TIE1: variants seen among roughly 807,000 people sequenced by gnomAD.
TIE1 encodes the protein tyrosine kinase with immunoglobulin like and EGF like domains 1, also known as tyrosine-protein kinase receptor Tie-1.
In TIE1, 89 loss-of-function variants were observed where a neutral mutation model predicts 130.5. The ratio of observed to expected loss-of-function variants is 0.68; its 90% CI spans 0.57 to 0.81. The LOEUF (loss-of-function observed/expected upper bound fraction) is 0.81. TIE1 is among the 40% of genes least tolerant of loss of function. The probability of loss-of-function intolerance (pLI) is 0.00; values close to 1 mark genes in which losing one functional copy is unlikely to be tolerated. For synonymous variants in TIE1, 568 were observed against 629.4 expected, an observed-to-expected ratio of 0.90 and a Z score of 1.46; for missense variants, 1,392 against 1,559.8, an observed-to-expected ratio of 0.89 and a Z score of 1.81.
rs767590418 is a variant in TIE1, at chr1:43,307,113, G to A, written c.641-29G>A. The A allele has an allele frequency of 1.2e-6, 2 of 1,613,686 alleles. No homozygotes were observed. Among genetic ancestry groups the A allele is most frequent in the African/African-American group, 2.7e-5 (2 of 74,904 alleles). ...AGTCCTCAGTGGTCAGGTGGGTGAG[G>A]GTCAGCTGCTGAAGACACCTTCCTC... On this transcript the variant is annotated intron_variant, in intron 4 of 22. Transcript: ENST00000372476. The surrounding 1 kb of genome is among the most constrained non-coding windows in gnomAD (Gnocchi z 5.4).
chr1:43,321,068 C>A (rs1254784767), intron 19 of TIE1, among the ~76,000 whole-genome samples: 1 of 148,706 alleles, frequency 6.7e-6, no homozygotes, highest in Non-Finnish European at 1.5e-5. Flanking sequence ...AACAAAAGAG[C>A]TCTAATTGTG....
Position 43,312,087 on chromosome 1 carries a change from A to AG in TIE1, c.1591dup (p.Ala531GlyfsTer14), listed in dbSNP as rs1315822879. The AG allele has an allele frequency of 1.3e-6, 2 of 1,596,686 alleles. No individual in the cohort carries two copies. The highest frequency in any genetic ancestry group is 1.7e-6 in the Non-Finnish European group (2 of 1,169,822). On this transcript the variant is annotated frameshift_variant, in exon 11 of 23. Transcript: ENST00000372476. LOFTEE classifies it high-confidence loss of function. This position sits in a 1 kb window ranked among gnomAD's most constrained non-coding sequence, Gnocchi z 5.6. ...CTGAGCCGGCCAGGGGAAGGAGGAG[A>AG]GGGGGCCTGGGGGCCTCCCACCCTC...
Position 43,306,909 on chromosome 1 carries a change from T to C in TIE1, c.554T>C (p.Val185Ala), listed in dbSNP as rs1208791994. ...CGGTTCCTGCTGCAGCTCCCAAATG[T>C]GCAGCCACCATCGAGCGGCATCTAC... Reference protein sequence around the residue: ...DGRFLLQLPNVQPPSSGIYSA... With the variant: ...DGRFLLQLPNAQPPSSGIYSA... Residue 185 changes from valine to alanine, a missense_variant, in exon 4 of 23, where the codon GTG (valine) becomes GCG (alanine). By Grantham distance (64) the Val-to-Ala change is moderately conservative. This residue lies in a region of TIE1 where 415 missense variants were observed against 424.8 expected (regional missense o/e 0.98). Transcript: ENST00000372476. This position sits in a 1 kb window ranked among gnomAD's most constrained non-coding sequence, Gnocchi z 4.9. 14 of 1,613,940 alleles carry C rather than the reference T, an allele frequency of 8.7e-6. No homozygotes were observed. The highest frequency in any genetic ancestry group is 1.1e-5 in the Non-Finnish European group (13 of 1,180,020).
In TIE1 at chr1:43,319,990, G is replaced by A. The variant is rs1646897915; in HGVS notation, c.3107+461G>A. 1 of 217,780 alleles carries A rather than the reference G, an allele frequency of 4.6e-6. No individual in the cohort carries two copies. The highest frequency in any genetic ancestry group is 2.3e-5 in the African/African-American group (1 of 43,840). The allele number at this position is 217,780 out of a possible 1,614,324, so 13.5% of individuals were successfully genotyped here. A position where few individuals can be genotyped will look rare whatever the true frequency, so the allele number is the denominator to read the frequency against. On this transcript the variant is annotated intron_variant, in intron 19 of 22. Coordinates refer to ENST00000372476, the MANE Select transcript of TIE1 (RefSeq NM_005424.5). The surrounding 1 kb of genome is among the most constrained non-coding windows in gnomAD (Gnocchi z 4.7). ...ACACTCCTCCTGTCTCTCCAGGGAT[G>A]TCCATCTTGATCTGAACCTACCCCT...
At chr1:43,303,627 G>A (rs375405187) in intron 1 of TIE1, among the ~76,000 whole-genome samples, 3 of 152,202 alleles carry the variant, frequency 2.0e-5, no homozygotes, top group East Asian at 1.9e-4. Context: ...GCTCTCCACC[G>A]TCCAGACTGG....
In TIE1 at chr1:43,314,308, G is replaced by A. The variant is rs531479456; in HGVS notation, c.2409+340G>A. ...CTCCCCTCTTTTATTTCTCCCTAGCGGTTATCTAGGCCTAGATAGCAAGGT... is the reference window on the plus strand; with the variant it reads ...CTCCCCTCTTTTATTTCTCCCTAGCAGTTATCTAGGCCTAGATAGCAAGGT... On this transcript the variant is annotated intron_variant, in intron 14 of 22. Coordinates refer to ENST00000372476, the MANE Select transcript of TIE1 (RefSeq NM_005424.5). 1.2e-4 allele frequency: 121 copies of A among 1,036,520 alleles called. 2 individuals carry two copies. The South Asian group carries it at 1.8e-3, about 15-fold the overall frequency. 64.2% of individuals were successfully genotyped at this position (1,036,520 alleles called of 1,614,324 possible).
Position 43,321,327 on chromosome 1 carries a change from G to A in TIE1, c.3148+18G>A, listed in dbSNP as rs372376269. 2.2e-5 allele frequency: 35 copies of A among 1,613,848 alleles called. No individual in the cohort carries two copies. The highest frequency in any genetic ancestry group is 8.3e-5 in the Admixed American group (5 of 59,984). On this transcript the variant is annotated intron_variant, in intron 20 of 22. Transcript: ENST00000372476. ...GAGCCTTGGTGAGTTCCTGATCCCCGTCCCCCAGAGTGCCCCACCTTACCC... is the reference window on the plus strand; with the variant it reads ...GAGCCTTGGTGAGTTCCTGATCCCCATCCCCCAGAGTGCCCCACCTTACCC...
Position 43,309,571 on chromosome 1 carries a change from G to A in TIE1, c.1333+39G>A, listed in dbSNP as rs1420892036. On this transcript the variant is annotated intron_variant, in intron 9 of 22. Coordinates refer to ENST00000372476, the MANE Select transcript of TIE1 (RefSeq NM_005424.5). The surrounding 1 kb of genome is among the most constrained non-coding windows in gnomAD (Gnocchi z 6.3). ...TAGGTCCACAGGGAATGGACGGTGA[G>A]CAGAGTAGGCTCTAGATGATGCTGC... The A allele has an allele frequency of 6.5e-7, 1 of 1,540,980 alleles. No homozygotes were observed. The highest frequency in any genetic ancestry group is 2.1e-5 in the Admixed American group (1 of 47,648).
Position 43,317,763 on chromosome 1 carries a change from C to A in TIE1, c.2731+89C>A. 1 of 1,465,030 alleles carries A rather than the reference C, an allele frequency of 6.8e-7. No homozygotes were observed. Among genetic ancestry groups the A allele is most frequent in the Non-Finnish European group, 9.4e-7 (1 of 1,064,302 alleles). The allele number at this position is 1,465,030 out of a possible 1,614,324, so 90.8% of individuals were successfully genotyped here. Reference sequence around the variant, plus strand: ...CACATGAGTAGCTTGCCAGGGGCTGCTGGTGACCTGTGCACCACCCTTGAT... The same window carrying A: ...CACATGAGTAGCTTGCCAGGGGCTGATGGTGACCTGTGCACCACCCTTGAT... On this transcript the variant is annotated intron_variant, in intron 16 of 22. Transcript: ENST00000372476. This position sits in a 1 kb window ranked among gnomAD's most constrained non-coding sequence, Gnocchi z 5.1.
Position 43,307,728 on chromosome 1 carries a change from G to A in TIE1, c.914-68G>A, listed in dbSNP as rs1392287771. Reference sequence around the variant, plus strand: ...CTGTTGTATAACCTGTGCCCCATCTGCGCCCTCATCTGTGCCCTCATTGCC... The same window carrying A: ...CTGTTGTATAACCTGTGCCCCATCTACGCCCTCATCTGTGCCCTCATTGCC... On this transcript the variant is annotated intron_variant, in intron 6 of 22. Coordinates refer to ENST00000372476, the MANE Select transcript of TIE1 (RefSeq NM_005424.5). This position sits in a 1 kb window ranked among gnomAD's most constrained non-coding sequence, Gnocchi z 5.4. 3 of 1,605,618 alleles carry A rather than the reference G, an allele frequency of 1.9e-6. No individual in the cohort carries two copies. The highest frequency in any genetic ancestry group is 1.3e-5 in the African/African-American group (1 of 74,806).
In TIE1 at chr1:43,307,452, G is replaced by C; in HGVS notation, c.793G>C (p.Gly265Arg). ...TCTAGCCTGCAGAGAGGGCCGTTTT[G>C]GGCAGAGCTGCCAGGAGCAGTGCCC... ...CEQACREGRF[G>R]QSCQEQCPGI... Residue 265 changes from glycine (G) to arginine (R), a missense_variant, in exon 6 of 23, where the codon GGG becomes CGG. Coordinates refer to ENST00000372476, the MANE Select transcript of TIE1 (RefSeq NM_005424.5). The surrounding 1 kb of genome is among the most constrained non-coding windows in gnomAD (Gnocchi z 5.4). 1 of 1,614,160 alleles carries C rather than the reference G, an allele frequency of 6.2e-7. No individual in the cohort carries two copies. The highest frequency in any genetic ancestry group is 8.5e-7 in the Non-Finnish European group (1 of 1,180,016).
rs781517329 is a variant in TIE1, at chr1:43,305,092, G to T, written c.300G>T (p.Val100=). ...GCTTCTCCAAGCCCTCGGACCTCGT[G>T]GGCGTCTTCTCCTGCGTGGGCGGTG... ...LRGFSKPSDL[V]GVFSCVGGAG... The change falls in exon 2 of 23, where the codon GTG becomes GTT. Residue 100 remains valine (V), a synonymous_variant. Transcript: ENST00000372476. The T allele has an allele frequency of 2.5e-6, 4 of 1,612,860 alleles. No individual in the cohort carries two copies. Among genetic ancestry groups the T allele is most frequent in the Non-Finnish European group, 3.4e-6 (4 of 1,179,372 alleles).
In TIE1 at chr1:43,319,461, G is replaced by T; in HGVS notation, c.3039G>T (p.Gly1013=). 1.2e-6 allele frequency: 2 copies of T among 1,614,124 alleles called. No homozygotes were observed. Among genetic ancestry groups the T allele is most frequent in the Non-Finnish European group, 1.7e-6 (2 of 1,180,006 alleles). ...CCCTCAAACCCATTCTCTCCTAGGG[G>T]CGTCTCCCTGTGCGCTGGATGGCCA... ...GEEVYVKKTM[G]RLPVRWMAIE... is the part of the protein sequence containing the mutation. Residue 1013 remains glycine, a splice_region_variant and synonymous_variant, in exon 19 of 23, where the codon GGG becomes GGT. Transcript: ENST00000372476. The surrounding 1 kb of genome is among the most constrained non-coding windows in gnomAD (Gnocchi z 4.7).
At chr1:43,305,209 G>A (rs1253563176) in intron 2 of TIE1, 24 bp from the exon 3 acceptor site, 2 of 1,613,640 alleles carry the variant, frequency 1.2e-6, no homozygotes, top group East Asian at 2.2e-5. Flanking sequence ...AAACCAGGCC[G>A]CTGACCCACC....
At chr1:43,302,861 G>T (rs1243916086) in intron 1 of TIE1, among the ~76,000 whole-genome samples, 1 of 151,986 alleles carries the variant, frequency 6.6e-6, no homozygotes, top group Non-Finnish European at 1.5e-5. Context: ...AGGCTGGGGG[G>T]GTGGGGATGA....
chr1:43,314,306 G>A (rs1206593934), intron 14 of TIE1: 13 of 1,041,032 alleles, frequency 1.2e-5, no homozygotes, highest in Admixed American at 3.8e-5. Context: ...TTTCTCCCTA[G>A]CGGTTATCTA....
chr1:43,305,194 G>A (rs1281905395), intron 2 of TIE1, 29 bp downstream of exon 2: 2 of 1,613,794 alleles, frequency 1.2e-6, no homozygotes, highest in East Asian at 4.5e-5. Context: ...GGGATGGCGC[G>A]GGGAAAACCA....
In TIE1 at chr1:43,306,367, C is replaced by T. The variant is rs111957363; in HGVS notation, c.485-473C>T. 8.3e-4 allele frequency among the ~76,000 whole-genome samples: 127 copies of T among 152,286 alleles called. No homozygotes were observed. Among genetic ancestry groups the T allele is most frequent in the African/African-American group, 3.0e-3 (123 of 41,556 alleles). The stretch of plus-strand genomic sequence containing the variant: ...CGAATGGGGCTGGATGGCTTGGCCA[C>T]GGCCAAGTTGGTGAAAATGATGTCT... On this transcript the variant is annotated intron_variant, in intron 3 of 22. Coordinates refer to ENST00000372476, the MANE Select transcript of TIE1 (RefSeq NM_005424.5). This position sits in a 1 kb window ranked among gnomAD's most constrained non-coding sequence, Gnocchi z 4.9.
chr1:43,307,289 G>A lies in TIE1; in HGVS notation c.772+16G>A. The stretch of plus-strand genomic sequence containing the variant: ...TGTGAACAGGGTAAGGAGGAGGGGA[G>A]CTAGGACCCAGGCAGGAGAGGATCC... On this transcript the variant is annotated intron_variant, in intron 5 of 22. Transcript: ENST00000372476. The surrounding 1 kb of genome is among the most constrained non-coding windows in gnomAD (Gnocchi z 5.4). 2 of 1,613,998 alleles carry A rather than the reference G, an allele frequency of 1.2e-6. No homozygotes were observed. Among genetic ancestry groups the A allele is most frequent in the Admixed American group, 1.7e-5 (1 of 60,030 alleles).
Sources: allele counts gnomAD v4.1 joint callset (sites outside exome capture counted in the v4.1 genomes callset), GRCh38; gene constraint gnomAD v4.1.1; regional missense constraint gnomAD v4.1.1; non-coding constraint Gnocchi (gnomAD v3.1); transcripts MANE v1.5; gene names NCBI Gene and HGNC (gene_info 2026-07-23, HGNC 2026-07-21).